The following FMNL2 variants were observed in gnomAD, a reference collection of about 807,000 sequenced individuals.
The protein encoded by FMNL2 is formin like 2.
Under a neutral mutation model 130.2 loss-of-function variants are expected in FMNL2, and 51 were observed. The observed-to-expected ratio is 0.39, with a 90% CI of 0.31 to 0.49. FMNL2 has a LOEUF of 0.49. Among genes scored for constraint, FMNL2 ranks in the 20% least tolerant of loss-of-function variants. FMNL2 has a pLI of 0.85. For missense variants in FMNL2, 977 were observed against 1,316.2 expected (o/e 0.74, Z 3.99); for synonymous variants, 465 against 467.1 (o/e 1.00, Z 0.06).
rs1329136946 is a variant in FMNL2, at chr2:152,626,608, G to T, written c.2046G>T (p.Lys682Asn). The T allele has an allele frequency of 6.2e-7, 1 of 1,612,874 alleles. No individual in the cohort carries two copies. Residue 682 changes from lysine to asparagine, a missense_variant, in exon 17 of 26, where the codon AAG becomes AAT. Transcript: ENST00000288670. ...TTGATCTTTCTTCAAGCAAACAGAA[G>T]ATACCACAGAAGGGATCAAACAAAG... ...PAIDLSSSKQ[K>N]IPQKGSNKVT... is the part of the protein sequence containing the mutation.
intron 1 of FMNL2, among the ~76,000 whole-genome samples, chr2:152,436,081 TCAAATG>T (rs1687747382): frequency 2.0e-5 from 3 of 152,026 alleles, no homozygotes; most frequent in Admixed American, 6.6e-5. Context: ...TGAAGATACC[TCAAATG>T]CAAAACACCA....
At chr2:152,568,560 T>C (rs1695991529) in intron 6 of FMNL2, among the ~76,000 whole-genome samples, 1 of 152,174 alleles carries the variant, frequency 6.6e-6, no homozygotes, top group African/African-American at 2.4e-5. Context: ...TATAAGGACA[T>C]ACCCGAGACT....
intron 9 of FMNL2, among the ~76,000 whole-genome samples, chr2:152,607,005 T>G (rs28441578): frequency 1.9e-4 from 25 of 130,702 alleles, no homozygotes; most frequent in African/African-American, 6.2e-4. Context: ...TTTTTTTTTT[T>G]GTTTTTTTTT....
chr2:152,382,928 T>G (rs1327288274), intron 1 of FMNL2, among the ~76,000 whole-genome samples: 1 of 152,188 alleles, frequency 6.6e-6, no homozygotes, highest in East Asian at 1.9e-4. Context: ...ATTCCTATCA[T>G]CCAGTGACAT....
chr2:152,381,979 T>C (rs1475743129), intron 1 of FMNL2, among the ~76,000 whole-genome samples: 3 of 151,988 alleles, frequency 2.0e-5, no homozygotes, highest in Non-Finnish European at 4.4e-5. Flanking sequence ...TTGTATTTTT[T>C]GTAGAGATGG....
At chr2:152,490,277 G>A (rs573035935) in intron 1 of FMNL2, among the ~76,000 whole-genome samples, 2 of 151,828 alleles carry the variant, frequency 1.3e-5, no homozygotes, top group African/African-American at 4.8e-5. Flanking sequence ...AGAGTGGTTG[G>A]GGGGAGTGGG....
intron 1 of FMNL2, among the ~76,000 whole-genome samples, chr2:152,484,401 A>T (rs1438872977): frequency 2.0e-5 from 3 of 151,918 alleles, no homozygotes; most frequent in Non-Finnish European, 2.9e-5. Flanking sequence ...GCACTTTGGG[A>T]GGCTGAGGTA....
intron 1 of FMNL2, among the ~76,000 whole-genome samples, chr2:152,360,646 G>A (rs895354723): frequency 2.0e-5 from 3 of 152,044 alleles, no homozygotes; most frequent in African/African-American, 7.2e-5. Flanking sequence ...TACATTTATG[G>A]CCCAGTATAT....
chr2:152,462,243 G>A (rs912776492), intron 1 of FMNL2, among the ~76,000 whole-genome samples: 3 of 152,190 alleles, frequency 2.0e-5, no homozygotes, highest in Non-Finnish European at 4.4e-5. Flanking sequence ...TCAAGTGTGA[G>A]TAGCTACATA....
chr2:152,341,686 T>A (rs1048175204), intron 1 of FMNL2, among the ~76,000 whole-genome samples: 7 of 152,228 alleles, frequency 4.6e-5, no homozygotes, highest in African/African-American at 1.7e-4. Flanking sequence ...AAACAAAATT[T>A]CCAGAACATA....
rs117868530 is a variant in FMNL2 at position 152,595,891 on chromosome 2, T to A, written c.877-11448T>A. 4.4e-4 allele frequency among the ~76,000 whole-genome samples: 67 copies of A among 152,188 alleles called. No individual in the cohort carries two copies. In the East Asian group the frequency reaches 0.013, roughly 29 times the overall value. ...AGATAATCAGAGAACAGTTAGGGGC[T>A]GTTTCCATCCAACCTGATAAGTACC... On this transcript the variant is annotated intron_variant, in intron 9 of 25. Coordinates refer to ENST00000288670, the MANE Select transcript of FMNL2 (RefSeq NM_052905.4).
chr2:152,592,430 G>A (rs1476469715), intron 9 of FMNL2, among the ~76,000 whole-genome samples: 1 of 151,966 alleles, frequency 6.6e-6, no homozygotes, highest in Non-Finnish European at 1.5e-5. Context: ...GGGGTCTCTC[G>A]TCAATAAGGG....
At chr2:152,593,946 G>A (rs937385104) in intron 9 of FMNL2, among the ~76,000 whole-genome samples, 2 of 145,202 alleles carry the variant, frequency 1.4e-5, no homozygotes, top group Non-Finnish European at 3.0e-5. Context: ...AGCCAAATGG[G>A]GATTGTAACT....
chr2:152,416,307 G>A (rs964949914), intron 1 of FMNL2, among the ~76,000 whole-genome samples: 9 of 152,168 alleles, frequency 5.9e-5, no homozygotes, highest in African/African-American at 1.7e-4. Context: ...GGAGTGTGGT[G>A]TACTTACCAC....
rs1449638563 is a variant in FMNL2, at chr2:152,636,546, G to C, written c.2800G>C (p.Glu934Gln). 1 of 1,582,698 alleles carries C rather than the reference G, an allele frequency of 6.3e-7. No homozygotes were observed. Among genetic ancestry groups the C allele is most frequent in the South Asian group, 1.1e-5 (1 of 87,024 alleles). The change falls in exon 22 of 26, where the codon GAG becomes CAG. Residue 934 changes from glutamate to glutamine, a missense_variant. Glu to Gln is a conservative substitution (Grantham distance 29). This residue lies in a region of FMNL2 where 689 missense variants were observed against 995.9 expected (regional missense o/e 0.69). Coordinates refer to ENST00000288670, the MANE Select transcript of FMNL2 (RefSeq NM_052905.4). Reference sequence around the variant, plus strand: ...GCTGAAGGAGTTCATCCTCAACAATGAGGGGAAGCTGAAGAAGCTGCAGGA... The same window carrying C: ...GCTGAAGGAGTTCATCCTCAACAATCAGGGGAAGCTGAAGAAGCTGCAGGA... ...TLLKEFILNN[E>Q]GKLKKLQDDA... is the part of the protein sequence containing the mutation.
rs1234214378 is a variant in FMNL2, at chr2:152,618,937, A to G, written c.1406A>G (p.Glu469Gly). ...EEAIQRQSTL[E>G]KKIHELEKQG... The stretch of plus-strand genomic sequence containing the variant: ...GCAATTCAAAGACAGTCTACCCTGG[A>G]AAAAAAGATTCATGAGCTAGAGAAA... Residue 469 changes from glutamate to glycine, a missense_variant, in exon 14 of 26, where the codon GAA becomes GGA. By Grantham distance (98) the Glu-to-Gly change is moderately conservative (BLOSUM62 -2). Transcript: ENST00000288670. 1 of 1,613,912 alleles carries G rather than the reference A, an allele frequency of 6.2e-7. No individual in the cohort carries two copies. The highest frequency in any genetic ancestry group is 8.5e-7 in the Non-Finnish European group (1 of 1,179,794).
At chr2:152,391,292 T>G (rs1558821760) in intron 1 of FMNL2, among the ~76,000 whole-genome samples, 1 of 152,198 alleles carries the variant, frequency 6.6e-6, no homozygotes, top group Non-Finnish European at 1.5e-5. Flanking sequence ...TGGCAACTGG[T>G]AATGACCTTC....
chr2:152,614,229 A>G (rs1427217866), intron 11 of FMNL2, among the ~76,000 whole-genome samples: 1 of 152,226 alleles, frequency 6.6e-6, no homozygotes, highest in East Asian at 1.9e-4. Context: ...GCTGCTTTTA[A>G]TTTTTCTGTT....
At chr2:152,370,482 A>C (rs961653838) in intron 1 of FMNL2, among the ~76,000 whole-genome samples, 1 of 152,186 alleles carries the variant, frequency 6.6e-6, no homozygotes, top group Non-Finnish European at 1.5e-5. Context: ...CCTTCAAATA[A>C]TATGAGCTTT....
Sources: gnomAD v4.1 joint callset for allele counts (sites outside exome capture counted in the v4.1 genomes callset) on GRCh38, gnomAD v4.1.1 for gene constraint, gnomAD v4.1.1 regional missense constraint, MANE v1.5 for transcripts, NCBI Gene and HGNC (gene_info 2026-07-23, HGNC 2026-07-21) for gene names.